The following BCAS3 variants were observed in gnomAD, a reference collection of about 807,000 sequenced individuals.
The protein encoded by BCAS3 is BCAS4/BCAS3 fusion.
In BCAS3, 53 loss-of-function variants were observed where a neutral mutation model predicts 116.1. The observed-to-expected ratio is 0.46, with a 90% CI of 0.37 to 0.57. BCAS3 has a LOEUF of 0.57. Ranked by LOEUF, BCAS3 falls within the 20% of genes least tolerant of loss-of-function variation. BCAS3 has a pLI of 0.00. For missense variants in BCAS3, 917 were observed against 1,165.4 expected (o/e 0.79, Z 3.10); for synonymous variants, 391 against 408.2 (o/e 0.96, Z 0.51).
intron 19 of BCAS3, 64 bp downstream of exon 19, chr17:61,040,956 A>G: frequency 7.2e-7 from 1 of 1,382,102 alleles, no homozygotes; most frequent in Non-Finnish European, 1.0e-6. Context: ...TTAAAATGCT[A>G]GCTTTGAAAG....
At chr17:60,885,075 G>T (rs2056514732) in intron 9 of BCAS3, among the ~76,000 whole-genome samples, 1 of 45,596 alleles carries the variant, frequency 2.2e-5, no homozygotes, top group Non-Finnish European at 4.2e-5. Context: ...ATGCGTGGGA[G>T]TCTAAGTCTC....
intron 5 of BCAS3, among the ~76,000 whole-genome samples, chr17:60,731,496 CTGGCCTT>C (rs2040451239): frequency 6.6e-6 from 1 of 151,974 alleles, no homozygotes; most frequent in African/African-American, 2.4e-5. Flanking sequence ...TACAGGCATC[CTGGCCTT>C]AATGTGTATA....
At chr17:61,066,344 G>A (rs1011465637) in intron 19 of BCAS3, among the ~76,000 whole-genome samples, 9 of 152,246 alleles carry the variant, frequency 5.9e-5, no homozygotes, top group East Asian at 1.9e-4. Flanking sequence ...AGCACTGCTC[G>A]ATGTTCATTA....
rs1359154154 is a variant in BCAS3, at chr17:60,868,631, G to C, written c.532G>C (p.Val178Leu). Reference protein sequence around the residue: ...DLYSLRTGEMVKSIQFKTPIY... With the variant: ...DLYSLRTGEMLKSIQFKTPIY... Reference sequence around the variant, plus strand: ...GTATTCACTTCGTACTGGGGAGATGGTCAAGTCCATTCAATTTAAGACACC... The same window carrying C: ...GTATTCACTTCGTACTGGGGAGATGCTCAAGTCCATTCAATTTAAGACACC... Residue 178 changes from valine (V) to leucine (L), a missense_variant, in exon 8 of 24, where the codon GTC becomes CTC. Physicochemically the swap from Val to Leu is conservative, Grantham distance 32. Around this residue, in one of 3 missense-constraint regions of BCAS3, gnomAD observed 807 missense variants for 1,026.0 expected, o/e 0.79. Transcript: ENST00000407086. 1 of 1,605,386 alleles carries C rather than the reference G, an allele frequency of 6.2e-7. No homozygotes were observed. The highest frequency in any genetic ancestry group is 1.4e-5 in the African/African-American group (1 of 74,058).
chr17:61,289,353 C>T (rs1371231241), intron 22 of BCAS3, among the ~76,000 whole-genome samples: 1 of 152,180 alleles, frequency 6.6e-6, no homozygotes, highest in Non-Finnish European at 1.5e-5. Flanking sequence ...TTCCTTTTTG[C>T]TCTTCGCTTG....
intron 22 of BCAS3, among the ~76,000 whole-genome samples, chr17:61,107,794 T>C (rs2074769014): frequency 6.6e-6 from 1 of 152,210 alleles, no homozygotes; most frequent in South Asian, 2.1e-4. Context: ...AGGTTATGGC[T>C]ATTTCAAGTA....
In BCAS3 at chr17:61,199,414, C is replaced by T. The variant is rs1420021487; in HGVS notation, c.2425+114850C>T. ...TAAAGACAACTCGACATCATACTGA[C>T]TACAAATTACCTCCCCTAGTTTAAA... On this transcript the variant is annotated intron_variant, in intron 22 of 23. Coordinates refer to ENST00000407086, the MANE Select transcript of BCAS3 (RefSeq NM_017679.5). The surrounding 1 kb of genome is among the most constrained non-coding windows in gnomAD (Gnocchi z 4.6). Among the ~76,000 whole-genome samples the T allele has an allele frequency of 6.6e-6, 1 of 152,228 alleles. No individual in the cohort carries two copies.
rs2076914705 is a variant in BCAS3, at chr17:61,141,530, C to A, written c.2425+56966C>A. Among the ~76,000 whole-genome samples, 1 of 152,128 alleles carries A rather than the reference C, an allele frequency of 6.6e-6. No homozygotes were observed. The highest frequency in any genetic ancestry group is 1.5e-5 in the Non-Finnish European group (1 of 68,024). On this transcript the variant is annotated intron_variant, in intron 22 of 23. Transcript: ENST00000407086. The surrounding 1 kb of genome is among the most constrained non-coding windows in gnomAD (Gnocchi z 4.3). ...TTATGATCACACCACAGCACTCCAGCCTGGGCGGCAGAGCGAGACCCTGTC... is the reference window on the plus strand; with the variant it reads ...TTATGATCACACCACAGCACTCCAGACTGGGCGGCAGAGCGAGACCCTGTC...
At chr17:60,959,148 A>C (rs2061290738) in intron 14 of BCAS3, among the ~76,000 whole-genome samples, 2 of 144,750 alleles carry the variant, frequency 1.4e-5, no homozygotes, top group Admixed American at 6.9e-5. Context: ...CTACAAAAGC[A>C]AAAAAAAAGT....
chr17:61,044,928 A>G (rs2067904540), intron 19 of BCAS3, among the ~76,000 whole-genome samples: 1 of 151,630 alleles, frequency 6.6e-6, no homozygotes, highest in South Asian at 2.1e-4. Flanking sequence ...CACCTGGCTA[A>G]TTTTTTGTAT....
In BCAS3 at chr17:61,020,867, G is replaced by A. The variant is rs7222498; in HGVS notation, c.1637+4966G>A. ...CAGTAAATTTCAAAAAGAAGTCATGGTAGGTAGTTCCGTGGGAATAAAAAA... is the reference window on the plus strand; with the variant it reads ...CAGTAAATTTCAAAAAGAAGTCATGATAGGTAGTTCCGTGGGAATAAAAAA... On this transcript the variant is annotated intron_variant, in intron 16 of 23. Transcript: ENST00000407086. This position sits in a 1 kb window ranked among gnomAD's most constrained non-coding sequence, Gnocchi z 4.5. 0.1 allele frequency among the ~76,000 whole-genome samples: 15,231 copies of A among 152,188 alleles called. 2,299 individuals are homozygous for A. Among genetic ancestry groups the A allele is most frequent in the African/African-American group, 0.33 (13,758 of 41,476 alleles).
chr17:60,772,592 A>G (rs2044830983), intron 6 of BCAS3, among the ~76,000 whole-genome samples: 1 of 152,162 alleles, frequency 6.6e-6, no homozygotes, highest in Middle Eastern at 3.2e-3. Context: ...AAAAAGGCTT[A>G]ACATAGGCTG....
intron 15 of BCAS3, among the ~76,000 whole-genome samples, chr17:60,998,361 C>G (rs1694960740): frequency 6.6e-6 from 1 of 152,078 alleles, no homozygotes; most frequent in Admixed American, 6.5e-5. Flanking sequence ...TGGGCATATA[C>G]CCAGTAGTGG....
At chr17:60,721,168 T>G (rs2039199285) in intron 5 of BCAS3, among the ~76,000 whole-genome samples, 1 of 152,070 alleles carries the variant, frequency 6.6e-6, no homozygotes, top group African/African-American at 2.4e-5. Flanking sequence ...TGGGTTTCAT[T>G]TGGGAGTAAT....
chr17:61,053,178 A>G (rs2069046146), intron 19 of BCAS3, among the ~76,000 whole-genome samples: 1 of 152,198 alleles, frequency 6.6e-6, no homozygotes, highest in African/African-American at 2.4e-5. Flanking sequence ...TTAGTAGAGG[A>G]GTACTAAAAT....
At chr17:61,081,975 T>C (rs2072656200) in intron 21 of BCAS3, among the ~76,000 whole-genome samples, 1 of 152,174 alleles carries the variant, frequency 6.6e-6, no homozygotes, top group Non-Finnish European at 1.5e-5. Context: ...AATAATAATA[T>C]GTAGTGCAGT....
At chr17:61,374,906 A>C (rs902271499) in intron 23 of BCAS3, among the ~76,000 whole-genome samples, 36 of 152,206 alleles carry the variant, frequency 2.4e-4, no homozygotes, top group African/African-American at 8.0e-4. Flanking sequence ...TACATTGGTG[A>C]ATGGCAATCT....
chr17:61,341,255 A>G (rs2057130328), intron 22 of BCAS3, among the ~76,000 whole-genome samples: 2 of 152,190 alleles, frequency 1.3e-5, no homozygotes, highest in African/African-American at 4.8e-5. Context: ...AAAAGTCTGC[A>G]TCTACGAGGA....
chr17:60,999,776 A>G (rs549054757), intron 15 of BCAS3, among the ~76,000 whole-genome samples: 4 of 152,098 alleles, frequency 2.6e-5, no homozygotes, highest in South Asian at 2.1e-4. Context: ...GATTCTTCCA[A>G]TCCATGGGCA....
Sources: allele counts gnomAD v4.1 joint callset (sites outside exome capture counted in the v4.1 genomes callset), GRCh38; gene constraint gnomAD v4.1.1; regional missense constraint gnomAD v4.1.1; non-coding constraint Gnocchi (gnomAD v3.1); transcripts MANE v1.5; gene names NCBI Gene and HGNC (gene_info 2026-07-23, HGNC 2026-07-21).